Variants in CSMD3 observed in about 807,000 individuals in gnomAD.
The protein encoded by CSMD3 is CUB and sushi domain-containing protein 3.
Under a neutral mutation model 435.2 loss-of-function variants are expected in CSMD3, and 177 were observed. The observed-to-expected ratio is 0.41, with a 90% CI of 0.36 to 0.46. The LOEUF (loss-of-function observed/expected upper bound fraction) is 0.46. CSMD3 is among the 20% of genes least tolerant of loss of function. The pLI is 0.34. For synonymous variants in CSMD3, 1,656 were observed against 1,520.5 expected, an observed-to-expected ratio of 1.09 and a Z score of -2.07; for missense variants, 4,265 against 4,504.6, an observed-to-expected ratio of 0.95 and a Z score of 1.52.
intron 13 of CSMD3, among the ~76,000 whole-genome samples, chr8:112,761,227 C>G (rs934189360): frequency 6.6e-6 from 1 of 151,898 alleles, no homozygotes; most frequent in Non-Finnish European, 1.5e-5. Context: ...TGCCACTGAA[C>G]AGTAATATCT....
chr8:112,254,500 A>G (rs1450162213), intron 62 of CSMD3, among the ~76,000 whole-genome samples, 174 bp from the exon 63 acceptor site: 4 of 152,088 alleles, frequency 2.6e-5, no homozygotes. Flanking sequence ...TCTTGAAGCA[A>G]GAAAGTCAGG....
In CSMD3 at chr8:113,051,377, T is replaced by C. The variant is rs560509003; in HGVS notation, c.918-32198A>G. Reference sequence around the variant, plus strand: ...CCAAAATTAATACTTTGGGTATTTGTCAAATTATATATACATTTCAAGTAT... The same window carrying C: ...CCAAAATTAATACTTTGGGTATTTGCCAAATTATATATACATTTCAAGTAT... On this transcript the variant is annotated intron_variant, in intron 5 of 70. Coordinates refer to ENST00000297405, the MANE Select transcript of CSMD3 (RefSeq NM_198123.2). Among the ~76,000 whole-genome samples the C allele has an allele frequency of 7.2e-5, 11 of 152,286 alleles. No homozygotes were observed. In the East Asian group the frequency reaches 1.2e-3, roughly 16 times the overall value.
intron 61 of CSMD3, among the ~76,000 whole-genome samples, chr8:112,261,629 G>A (rs548026985): frequency 7.2e-4 from 109 of 152,028 alleles, no homozygotes; most frequent in Non-Finnish European, 1.4e-3. Context: ...TCTTGAACAT[G>A]TCTCCTCGTG....
chr8:112,975,715 T>A (rs551819416), intron 7 of CSMD3, 122 bp downstream of exon 7: 1 of 1,481,178 alleles, frequency 6.8e-7, no homozygotes, highest in East Asian at 2.3e-5. Flanking sequence ...TCAGCTACTT[T>A]GAACTTTTTC....
At chr8:112,608,276 A>T (rs1832954168) in intron 22 of CSMD3, among the ~76,000 whole-genome samples, 1 of 152,146 alleles carries the variant, frequency 6.6e-6, no homozygotes, top group Admixed American at 6.5e-5. Context: ...TGAAAACAAT[A>T]AAACATTAAT....
intron 1 of CSMD3, among the ~76,000 whole-genome samples, chr8:113,391,205 GA>G (rs2094459896): frequency 6.6e-6 from 1 of 151,994 alleles, no homozygotes; most frequent in African/African-American, 2.4e-5. Flanking sequence ...AGGTAGGAAA[GA>G]TCCATGTTCA....
At chr8:112,630,243 T>C (rs1385392346) in intron 22 of CSMD3, among the ~76,000 whole-genome samples, 2 of 152,020 alleles carry the variant, frequency 1.3e-5, no homozygotes, top group Admixed American at 1.3e-4. Flanking sequence ...TACTCATCAA[T>C]AAAAATCTAA....
At chr8:113,337,459 A>G (rs1434111518) in intron 1 of CSMD3, among the ~76,000 whole-genome samples, 2 of 152,148 alleles carry the variant, frequency 1.3e-5, no homozygotes, top group Non-Finnish European at 2.9e-5. Context: ...TATGAACACT[A>G]GCATCATAGC....
intron 32 of CSMD3, among the ~76,000 whole-genome samples, chr8:112,453,502 TA>T (rs1233297353): frequency 6.6e-6 from 1 of 151,926 alleles, no homozygotes; most frequent in Non-Finnish European, 1.5e-5. Flanking sequence ...AAGAATGAAA[TA>T]ACATTTACAA....
intron 24 of CSMD3, among the ~76,000 whole-genome samples, chr8:112,557,265 C>G (rs1828207590): frequency 6.6e-6 from 1 of 151,868 alleles, no homozygotes; most frequent in African/African-American, 2.4e-5. Context: ...TGAGTGATAC[C>G]ATGATATAAC....
chr8:113,203,168 T>G (rs1056826203), intron 3 of CSMD3, among the ~76,000 whole-genome samples: 1 of 152,166 alleles, frequency 6.6e-6, no homozygotes, highest in Non-Finnish European at 1.5e-5. Context: ...TGAAATGATA[T>G]ATATGCTAAT....
At chr8:112,682,345 T>G in intron 16 of CSMD3, 97 bp downstream of exon 16, 1 of 889,864 alleles carries the variant, frequency 1.1e-6, no homozygotes, top group South Asian at 1.3e-5. Context: ...TTTAAGATAA[T>G]GATTATGACA....
chr8:112,756,552 T>C (rs564574274), intron 13 of CSMD3, among the ~76,000 whole-genome samples: 4 of 152,184 alleles, frequency 2.6e-5, no homozygotes, highest in Non-Finnish European at 5.9e-5. Context: ...GAAATAGGAA[T>C]TGTAAGAAAA....
chr8:112,507,840 C>T (rs1822693340), intron 28 of CSMD3, among the ~76,000 whole-genome samples: 1 of 152,022 alleles, frequency 6.6e-6, no homozygotes, highest in Admixed American at 6.6e-5. Context: ...ACCTCTGCTA[C>T]TCTTGTCTCA....
At chr8:113,081,538 G>T (rs1212698433) in intron 5 of CSMD3, among the ~76,000 whole-genome samples, 1 of 152,126 alleles carries the variant, frequency 6.6e-6, no homozygotes, top group South Asian at 2.1e-4. Context: ...CCTGAGTATA[G>T]GGAGTTACCT....
chr8:112,352,376 G>T, intron 39 of CSMD3, 40 bp downstream of exon 39: 1 of 1,610,580 alleles, frequency 6.2e-7, no homozygotes, highest in African/African-American at 1.3e-5. Context: ...ATTCTGAAAG[G>T]GCCATGAAAA....
intron 7 of CSMD3, 89 bp from the exon 8 acceptor site, chr8:112,954,850 T>C (rs981727662): frequency 1.6e-5 from 13 of 817,492 alleles, no homozygotes; most frequent in Non-Finnish European, 2.2e-5. Flanking sequence ...CATGGACTTA[T>C]GCAAGATAAA....
intron 32 of CSMD3, among the ~76,000 whole-genome samples, chr8:112,427,915 A>G (rs552372894): frequency 1.3e-5 from 2 of 152,300 alleles, no homozygotes; most frequent in South Asian, 4.1e-4. Flanking sequence ...AATCCAATTT[A>G]TTCTCCACAC....
chr8:113,391,617 C>T (rs147884172), intron 1 of CSMD3, among the ~76,000 whole-genome samples: 162 of 151,954 alleles, frequency 1.1e-3, no homozygotes, highest in African/African-American at 3.6e-3. Context: ...TAAAATACTG[C>T]GTAATGGTCC....
Sources: allele counts gnomAD v4.1 joint callset (sites outside exome capture counted in the v4.1 genomes callset), GRCh38; gene constraint gnomAD v4.1.1; transcripts MANE v1.5; gene names NCBI Gene and HGNC (gene_info 2026-07-23, HGNC 2026-07-21).